The following SORBS2 variants were observed in gnomAD, a reference collection of about 807,000 sequenced individuals.
SORBS2 encodes the protein sorbin and SH3 domain containing 2.
A neutral mutation model predicts 97.7 loss-of-function variants in SORBS2; 46 were observed. The observed-to-expected ratio is 0.47, with a 90% CI of 0.37 to 0.60. SORBS2 has a LOEUF of 0.60. Among genes scored for constraint, SORBS2 ranks in the 20% least tolerant of loss-of-function variants. SORBS2 has a pLI of 0.00. For missense variants in SORBS2, 1,316 were observed against 1,282.3 expected, an observed-to-expected ratio of 1.03 and a Z score of -0.40; for synonymous variants, 476 against 473.4, an observed-to-expected ratio of 1.01 and a Z score of -0.07.
At position 185,879,514 on chromosome 4, in the gene SORBS2, T is replaced by C. The variant is rs571690567; in HGVS notation, c.-338+76682A>G. ...TGTGTCTTTATAGCAGCATGATTTA[T>C]AGTCCTTTGAGTATATACCCAGTAA... On this transcript the variant is annotated intron_variant, in intron 1 of 20. Transcript: ENST00000284776. Among the ~76,000 whole-genome samples the C allele has an allele frequency of 3.4e-3, 514 of 152,334 alleles. 5 individuals are homozygous for C. Among genetic ancestry groups the C allele is most frequent in the African/African-American group, 0.012 (482 of 41,564 alleles).
intron 1 of SORBS2, among the ~76,000 whole-genome samples, chr4:185,853,256 A>C (rs1215935717): frequency 1.3e-5 from 2 of 152,222 alleles, no homozygotes; most frequent in African/African-American, 2.4e-5. Context: ...TTTATGGATG[A>C]AACATCAAAG....
intron 12 of SORBS2, among the ~76,000 whole-genome samples, chr4:185,596,513 A>AG (rs572431278): frequency 1.1e-3 from 163 of 147,888 alleles, no homozygotes; most frequent in African/African-American, 3.3e-3. Context: ...TGTGTGGGGC[A>AG]GCCAGCACCG....
At chr4:185,674,629 A>G (rs1220174673) in intron 4 of SORBS2, among the ~76,000 whole-genome samples, 4 of 152,180 alleles carry the variant, frequency 2.6e-5, no homozygotes, top group Non-Finnish European at 4.4e-5. Flanking sequence ...GCAATGGCTT[A>G]TAAGGCCTCC....
intron 2 of SORBS2, among the ~76,000 whole-genome samples, chr4:185,703,010 T>C (rs911205470): frequency 6.6e-6 from 1 of 152,188 alleles, no homozygotes; most frequent in African/African-American, 2.4e-5. Context: ...GTGCTTCTGA[T>C]AGCATCATGA....
intron 1 of SORBS2, among the ~76,000 whole-genome samples, chr4:185,860,850 A>T (rs1361651517): frequency 6.6e-6 from 1 of 152,192 alleles, no homozygotes; most frequent in Non-Finnish European, 1.5e-5. Context: ...TGAAGATAAG[A>T]GGTCGTGGAA....
intron 9 of SORBS2, among the ~76,000 whole-genome samples, chr4:185,617,189 G>A (rs1581057679): frequency 6.6e-6 from 1 of 152,080 alleles, no homozygotes; most frequent in African/African-American, 2.4e-5. Context: ...GAAATGAAAC[G>A]TGTGCTCCGT....
intron 1 of SORBS2, among the ~76,000 whole-genome samples, chr4:185,842,659 G>A (rs762857081): frequency 1.7e-4 from 26 of 152,108 alleles, no homozygotes; most frequent in Admixed American, 2.6e-4. Context: ...AAATTTGGCC[G>A]GGTGCAGTGG....
At chr4:185,847,583 T>C (rs2099215319) in intron 1 of SORBS2, among the ~76,000 whole-genome samples, 1 of 152,172 alleles carries the variant, frequency 6.6e-6, no homozygotes, top group African/African-American at 2.4e-5. Context: ...TCTCGCAGGA[T>C]GAGTAAGCGA....
intron 2 of SORBS2, among the ~76,000 whole-genome samples, chr4:185,719,488 A>G (rs902558448): frequency 1.2e-4 from 18 of 152,180 alleles, no homozygotes; most frequent in Non-Finnish European, 1.6e-4. Context: ...CCATCCCTCA[A>G]CCTACTTTTT....
At chr4:185,662,109 G>T in exon 5 of SORBS2, 2 of 1,614,140 alleles carry the variant, frequency 1.2e-6, no homozygotes, top group Non-Finnish European at 1.7e-6. Context: ...CTTACCGAGG[G>T]ATGTGCCGTG....
intron 1 of SORBS2, among the ~76,000 whole-genome samples, chr4:185,814,539 C>G (rs1026761455): frequency 6.7e-6 from 1 of 149,196 alleles, no homozygotes; most frequent in Non-Finnish European, 1.5e-5. Flanking sequence ...GACTCTGTCT[C>G]TGTTTTTAGT....
At chr4:185,646,149 A>T (rs1455235462) in intron 4 of SORBS2, 1 of 152,198 alleles carries the variant, frequency 6.6e-6, no homozygotes, top group East Asian at 1.9e-4. Context: ...CCTTCATCCA[A>T]AGAAATATTA....
At chr4:185,626,389 A>AT (rs1035714181) in intron 6 of SORBS2, among the ~76,000 whole-genome samples, 19 of 152,344 alleles carry the variant, frequency 1.2e-4, no homozygotes, top group African/African-American at 4.6e-4. Context: ...GAATTGAATA[A>AT]TTTTTTAAAA....
At chr4:185,676,989 T>C in intron 4 of SORBS2, 2 of 1,549,034 alleles carry the variant, frequency 1.3e-6, no homozygotes, top group Admixed American at 2.0e-5. Context: ...CTGAGAAGCT[T>C]AAGGTACCAC....
chr4:185,669,286 C>A (rs535737404), intron 4 of SORBS2, among the ~76,000 whole-genome samples: 1 of 152,134 alleles, frequency 6.6e-6, no homozygotes, highest in South Asian at 2.1e-4. Flanking sequence ...ATGATGGGAC[C>A]GATGGCAGAA....
chr4:185,646,888 A>C, intron 3 of SORBS2, 106 bp from the exon 13 acceptor site: 2 of 676,784 alleles, frequency 3.0e-6, no homozygotes, highest in East Asian at 5.4e-5. Flanking sequence ...TAGTTTTAAA[A>C]AAAATCTCTC....
intron 1 of SORBS2, among the ~76,000 whole-genome samples, chr4:185,947,258 T>C (rs954156812): frequency 3.9e-5 from 6 of 152,216 alleles, no homozygotes; most frequent in African/African-American, 1.4e-4. Context: ...GGATCTGTAC[T>C]ATAGTCAGGG....
chr4:185,886,423 C>T (rs555086045), intron 1 of SORBS2, among the ~76,000 whole-genome samples: 27 of 151,834 alleles, frequency 1.8e-4, no homozygotes, highest in African/African-American at 4.8e-4. Context: ...GGCATGGTGG[C>T]GGTTGCCTTT....
At chr4:185,638,749 A>G (rs1480837640) in intron 4 of SORBS2, 128 bp downstream of exon 14, 2 of 833,354 alleles carry the variant, frequency 2.4e-6, no homozygotes, top group African/African-American at 1.8e-5. Flanking sequence ...TGTGGATGAG[A>G]AGATTCTGGG....
Sources: gnomAD v4.1 joint callset for allele counts (sites outside exome capture counted in the v4.1 genomes callset) on GRCh38, gnomAD v4.1.1 for gene constraint, MANE v1.5 for transcripts, NCBI Gene and HGNC (gene_info 2026-07-23, HGNC 2026-07-21) for gene names.